The following CELF4 variants were observed in gnomAD, a reference collection of about 807,000 sequenced individuals.
CELF4 encodes CUG-BP- and ETR-3-like factor 4.
A neutral mutation model predicts 59.9 loss-of-function variants in CELF4; 18 were observed. That is an observed-to-expected ratio of 0.30 (90% CI 0.21 to 0.45). The LOEUF (loss-of-function observed/expected upper bound fraction) is 0.45. Ranked by LOEUF, CELF4 falls within the 20% of genes least tolerant of loss-of-function variation. CELF4 has a pLI of 1.00. For missense variants in CELF4, 456 were observed against 689.0 expected, an observed-to-expected ratio of 0.66 and a Z score of 3.79; for synonymous variants, 261 against 267.1, an observed-to-expected ratio of 0.98 and a Z score of 0.22.
intron 1 of CELF4, among the ~76,000 whole-genome samples, chr18:37,539,691 T>G (rs2099976400): frequency 6.6e-6 from 1 of 152,252 alleles, no homozygotes. Flanking sequence ...AAATGTGCTA[T>G]GTAGACAGCA....
At chr18:37,455,375 T>C (rs914031271) in intron 2 of CELF4, among the ~76,000 whole-genome samples, 1 of 152,244 alleles carries the variant, frequency 6.6e-6, no homozygotes, top group Non-Finnish European at 1.5e-5. Flanking sequence ...CTTTTTATTA[T>C]TCTACCTCTT....
At chr18:37,450,350 A>T (rs2099759781) in intron 2 of CELF4, among the ~76,000 whole-genome samples, 1 of 147,408 alleles carries the variant, frequency 6.8e-6, no homozygotes, top group East Asian at 2.0e-4. Flanking sequence ...CTCTCTGTCG[A>T]TCTCTGCACC....
chr18:37,405,920 G>T (rs1261120571), intron 2 of CELF4, among the ~76,000 whole-genome samples: 2 of 152,062 alleles, frequency 1.3e-5, no homozygotes, highest in African/African-American at 4.8e-5. Context: ...AATCCATCAC[G>T]AACCTAACAT....
chr18:37,441,520 G>T (rs1046223143), intron 2 of CELF4, among the ~76,000 whole-genome samples: 27 of 152,140 alleles, frequency 1.8e-4, no homozygotes, highest in African/African-American at 6.0e-4. Context: ...TACAGTAATG[G>T]GGCAATTAGG....
chr18:37,294,210 T>G (rs747531080), intron 3 of CELF4, among the ~76,000 whole-genome samples: 18 of 152,202 alleles, frequency 1.2e-4, no homozygotes, highest in Non-Finnish European at 2.4e-4. Context: ...GGATTTTGAA[T>G]GTATTACCCT....
chr18:37,300,176 C>T (rs1023543349), intron 3 of CELF4, among the ~76,000 whole-genome samples: 2 of 152,016 alleles, frequency 1.3e-5, no homozygotes, highest in African/African-American at 4.8e-5. Flanking sequence ...CTGAACACAC[C>T]ACACTCCCTT....
chr18:37,404,587 C>G (rs1370584092), intron 2 of CELF4, among the ~76,000 whole-genome samples: 2 of 152,196 alleles, frequency 1.3e-5, no homozygotes, highest in African/African-American at 4.8e-5. Context: ...TGGGCCTGGA[C>G]ATCACTCCAG....
chr18:37,446,819 G>T (rs940646539), intron 2 of CELF4, among the ~76,000 whole-genome samples: 1 of 152,074 alleles, frequency 6.6e-6, no homozygotes, highest in African/African-American at 2.4e-5. Flanking sequence ...CCATGGTGTT[G>T]CTGGGCAGCA....
At chr18:37,453,994 G>A (rs2099771296) in intron 2 of CELF4, among the ~76,000 whole-genome samples, 1 of 152,048 alleles carries the variant, frequency 6.6e-6, no homozygotes, top group African/African-American at 2.4e-5. Context: ...CTGACCTTGG[G>A]TTTTGCCTGG....
At chr18:37,502,423 A>T (rs1460422888) in intron 1 of CELF4, among the ~76,000 whole-genome samples, 1 of 152,060 alleles carries the variant, frequency 6.6e-6, no homozygotes, top group Non-Finnish European at 1.5e-5. Context: ...GGGAGAAAGG[A>T]GAGGGAGGGC....
chr18:37,413,359 G>C, intron 2 of CELF4, among the ~76,000 whole-genome samples: 1 of 151,778 alleles, frequency 6.6e-6, no homozygotes, highest in Non-Finnish European at 1.5e-5. Context: ...TGTGTAGGGG[G>C]TGGTGGAATG....
At chr18:37,293,053 G>A (rs2095436658) in intron 3 of CELF4, among the ~76,000 whole-genome samples, 1 of 152,224 alleles carries the variant, frequency 6.6e-6, no homozygotes, top group Non-Finnish European at 1.5e-5. Flanking sequence ...CCCCACAAAA[G>A]GGGGTTGGGG....
At chr18:37,558,041 G>T (rs1169002632) in intron 1 of CELF4, among the ~76,000 whole-genome samples, 5 of 106,662 alleles carry the variant, frequency 4.7e-5, no homozygotes, top group African/African-American at 1.8e-4. Context: ...TCACTCTGTT[G>T]CTCAGGCTGG....
At chr18:37,488,785 T>A (rs1185343248) in intron 1 of CELF4, among the ~76,000 whole-genome samples, 1 of 152,194 alleles carries the variant, frequency 6.6e-6, no homozygotes, top group Non-Finnish European at 1.5e-5. Context: ...CCTGCCTCCC[T>A]TCCCTTTTCG....
intron 10 of CELF4, among the ~76,000 whole-genome samples, chr18:37,259,948 T>G (rs891757686): frequency 1.3e-5 from 2 of 152,194 alleles, no homozygotes; most frequent in African/African-American, 4.8e-5. Context: ...GACATGAAGG[T>G]TCTTCATTTC....
chr18:37,367,648 G>GA, intron 2 of CELF4, among the ~76,000 whole-genome samples: 1 of 151,874 alleles, frequency 6.6e-6, no homozygotes, highest in East Asian at 1.9e-4. Context: ...ACAGAGGAAG[G>GA]AAAAATGCAA....
rs1205640083 is a variant in CELF4, at chr18:37,253,901, G to C, written c.1371C>G (p.Thr457=). 3 of 1,608,586 alleles carry C rather than the reference G, an allele frequency of 1.9e-6. No individual in the cohort carries two copies. Among genetic ancestry groups the C allele is most frequent in the Non-Finnish European group, 2.5e-6 (3 of 1,177,904 alleles). The part of the protein sequence containing the change: ...VSFDNPASAQ[T]AIQAMNGFQI... ...GGAAGCCGTTCATGGCCTGGATGGC[G>C]GTCTGCGCGCTGGCCGGGTTGTCGA... Residue 457 remains threonine, a synonymous_variant, in exon 12 of 13, where the codon ACC becomes ACG. Coordinates refer to ENST00000420428, the MANE Select transcript of CELF4 (RefSeq NM_020180.4). This position sits in a 1 kb window ranked among gnomAD's most constrained non-coding sequence, Gnocchi z 4.5.
At chr18:37,437,488 G>A (rs931489179) in intron 2 of CELF4, among the ~76,000 whole-genome samples, 6 of 152,166 alleles carry the variant, frequency 3.9e-5, no homozygotes, top group Non-Finnish European at 7.3e-5. Flanking sequence ...TTGTGGGGGA[G>A]ATACTATGGA....
intron 12 of CELF4, among the ~76,000 whole-genome samples, chr18:37,249,944 T>G (rs1436875592): frequency 3.3e-5 from 5 of 152,062 alleles, no homozygotes; most frequent in Non-Finnish European, 7.4e-5. Context: ...AAAAGCATAC[T>G]CAGAGCCAGA....
Sources: gnomAD v4.1 joint callset for allele counts (sites outside exome capture counted in the v4.1 genomes callset) on GRCh38, gnomAD v4.1.1 for gene constraint, Gnocchi (gnomAD v3.1) non-coding constraint, MANE v1.5 for transcripts, NCBI Gene and HGNC (gene_info 2026-07-23, HGNC 2026-07-21) for gene names.